Variants in MAD1L1 observed in about 807,000 individuals in gnomAD.
The protein encoded by MAD1L1 is mitotic arrest deficient 1 like 1.
In MAD1L1, 95 loss-of-function variants were observed where a neutral mutation model predicts 96.9. That is an observed-to-expected ratio of 0.98 (90% CI 0.83 to 1.16). The LOEUF (loss-of-function observed/expected upper bound fraction) is 1.16. MAD1L1 is among the 50% of genes most tolerant of loss of function. MAD1L1 has a pLI of 0.00. For missense variants in MAD1L1, 1,007 were observed against 954.4 expected (o/e 1.06, Z -0.73); for synonymous variants, 473 against 396.6 (o/e 1.19, Z -2.29).
chr7:1,965,423 C>A (rs1349032384), intron 15 of MAD1L1, among the ~76,000 whole-genome samples: 1 of 152,218 alleles, frequency 6.6e-6, no homozygotes, highest in Non-Finnish European at 1.5e-5. Flanking sequence ...GAAGGCCCAC[C>A]GCACTGGTGG....
At chr7:2,208,592 T>G (rs192683522) in intron 10 of MAD1L1, among the ~76,000 whole-genome samples, 18 of 152,166 alleles carry the variant, frequency 1.2e-4, no homozygotes. Context: ...GAACTTTAAA[T>G]CACAAACGAG....
chr7:2,226,293 T>TA (rs1160018868), intron 3 of MAD1L1, among the ~76,000 whole-genome samples: 1 of 152,028 alleles, frequency 6.6e-6, no homozygotes, highest in Admixed American at 6.6e-5. Flanking sequence ...TGGGAGGCAG[T>TA]AGGAAGGTGA....
intron 17 of MAD1L1, among the ~76,000 whole-genome samples, chr7:1,901,231 G>A (rs116526043): frequency 6.6e-6 from 1 of 152,168 alleles, no homozygotes; most frequent in Non-Finnish European, 1.5e-5. Context: ...TTACATCAAC[G>A]TGAATGAATA....
intron 10 of MAD1L1, among the ~76,000 whole-genome samples, chr7:2,184,386 T>C (rs921425327): frequency 2.0e-5 from 3 of 152,168 alleles, no homozygotes; most frequent in African/African-American, 7.2e-5. Flanking sequence ...TAAAGGATGT[T>C]TTAAAAATAA....
chr7:2,183,057 TACAAAA>T (rs1791279012), intron 10 of MAD1L1, among the ~76,000 whole-genome samples: 1 of 151,944 alleles, frequency 6.6e-6, no homozygotes, highest in Admixed American at 6.6e-5. Flanking sequence ...ACCCTATCTC[TACAAAA>T]GAGAAAAAAT....
intron 18 of MAD1L1, among the ~76,000 whole-genome samples, chr7:1,851,676 A>G (rs2128641049): frequency 6.6e-6 from 1 of 152,318 alleles, no homozygotes; most frequent in South Asian, 2.1e-4. Context: ...CAGGAGGTCC[A>G]CACAGGGGAA....
intron 17 of MAD1L1, among the ~76,000 whole-genome samples, chr7:1,912,501 G>C (rs1053374072): frequency 2.6e-5 from 4 of 152,194 alleles, no homozygotes; most frequent in Admixed American, 2.6e-4. Context: ...GAGGGCAAGG[G>C]GTGCCCATCC....
chr7:2,051,929 A>G (rs1784198230), intron 12 of MAD1L1, among the ~76,000 whole-genome samples: 1 of 152,002 alleles, frequency 6.6e-6, no homozygotes, highest in African/African-American at 2.4e-5. Flanking sequence ...TTCACTGGGA[A>G]GTCTTTTGTT....
chr7:1,912,534 G>A (rs1474253978), intron 17 of MAD1L1, among the ~76,000 whole-genome samples: 1 of 152,188 alleles, frequency 6.6e-6, no homozygotes, highest in Non-Finnish European at 1.5e-5. Context: ...TCCTGGCACA[G>A]GCAGGGCTGC....
intron 13 of MAD1L1, among the ~76,000 whole-genome samples, chr7:2,009,379 G>C (rs1306799431): frequency 1.3e-5 from 2 of 152,230 alleles, no homozygotes; most frequent in Non-Finnish European, 2.9e-5. Context: ...ACGGTACAAA[G>C]GCTGGAGCTA....
At chr7:1,926,477 T>C (rs1290673178) in intron 17 of MAD1L1, among the ~76,000 whole-genome samples, 4 of 152,138 alleles carry the variant, frequency 2.6e-5, no homozygotes, top group Non-Finnish European at 5.9e-5. Context: ...ACTGACGATG[T>C]CAGCAAGATG....
At chr7:1,971,502 A>G (rs1454953924) in intron 15 of MAD1L1, among the ~76,000 whole-genome samples, 2 of 152,322 alleles carry the variant, frequency 1.3e-5, no homozygotes, top group African/African-American at 4.8e-5. Context: ...GTTATAATAT[A>G]TAGTGGAGAA....
chr7:2,076,330 G>C (rs1484354802), intron 11 of MAD1L1, among the ~76,000 whole-genome samples: 1 of 152,214 alleles, frequency 6.6e-6, no homozygotes, highest in East Asian at 1.9e-4. Flanking sequence ...TGCTCCCAAT[G>C]GGATGCGCAA....
chr7:2,094,739 G>A (rs1786394063), intron 11 of MAD1L1, among the ~76,000 whole-genome samples: 1 of 152,166 alleles, frequency 6.6e-6, no homozygotes, highest in African/African-American at 2.4e-5. Flanking sequence ...GCTCGCAGGT[G>A]CAAAGCAGCA....
At chr7:1,966,174 C>T (rs191164748) in intron 15 of MAD1L1, among the ~76,000 whole-genome samples, 14 of 152,374 alleles carry the variant, frequency 9.2e-5, no homozygotes, top group African/African-American at 2.6e-4. Flanking sequence ...ATGGGAACCG[C>T]GCCCCACAGA....
intron 12 of MAD1L1, among the ~76,000 whole-genome samples, chr7:2,028,480 C>T (rs1783081030): frequency 6.6e-6 from 1 of 151,518 alleles, no homozygotes; most frequent in Non-Finnish European, 1.5e-5. Flanking sequence ...ATAGTACGTC[C>T]ATGGATTAGA....
chr7:2,161,295 A>G (rs987984036), intron 10 of MAD1L1, among the ~76,000 whole-genome samples: 2 of 151,330 alleles, frequency 1.3e-5, no homozygotes, highest in Non-Finnish European at 2.9e-5. Context: ...TTTGGTGGAG[A>G]CGGGGTTTCG....
intron 10 of MAD1L1, among the ~76,000 whole-genome samples, chr7:2,166,689 G>A (rs924147056): frequency 3.2e-4 from 49 of 152,352 alleles, no homozygotes; most frequent in African/African-American, 1.1e-3. Flanking sequence ...GCCCGCTTCC[G>A]GGAGGCGTGG....
chr7:2,138,939 C>T (rs528757620), intron 11 of MAD1L1, among the ~76,000 whole-genome samples: 2 of 152,316 alleles, frequency 1.3e-5, no homozygotes, highest in East Asian at 1.9e-4. Context: ...GAGTCCTGGA[C>T]CTGATTTTCC....
Sources: gnomAD v4.1 joint callset for allele counts (sites outside exome capture counted in the v4.1 genomes callset) on GRCh38, gnomAD v4.1.1 for gene constraint, MANE v1.5 for transcripts, NCBI Gene and HGNC (gene_info 2026-07-23, HGNC 2026-07-21) for gene names.